ZNF547: variants seen among roughly 807,000 people sequenced by gnomAD.
ZNF547 encodes the protein zinc finger protein 547.
Under a neutral mutation model 7.7 loss-of-function variants are expected in ZNF547, and 4 were observed. The ratio of observed to expected loss-of-function variants is 0.52; its 90% CI spans 0.26 to 1.20. The LOEUF is 1.20. Ranked by LOEUF, ZNF547 falls within the 50% of genes most tolerant of loss-of-function variation. The pLI is 0.14. For missense variants in ZNF547, 449 were observed against 485.8 expected, an observed-to-expected ratio of 0.92 and a Z score of 0.71; for synonymous variants, 166 against 166.2, an observed-to-expected ratio of 1.00 and a Z score of 0.01.
intron 3 of ZNF547, among the ~76,000 whole-genome samples, chr19:57,373,144 G>A (rs80113461): frequency 0.048 from 7,309 of 152,266 alleles, 548 homozygotes; most frequent in African/African-American, 0.17. Context: ...CCCCATTGCT[G>A]GGGAGGCCTC....
intron 3 of ZNF547, among the ~76,000 whole-genome samples, chr19:57,376,381 G>A (rs181775826): frequency 0.14 from 21,451 of 152,010 alleles, 2,043 homozygotes; most frequent in Non-Finnish European, 0.2. Context: ...TATTCTTGCA[G>A]CCCAATAATG....
rs1228770354 is a variant in ZNF547, at chr19:57,379,174, A to T, written c.*989A>T. The T allele has an allele frequency of 6.6e-6, 1 of 152,430 alleles. No individual in the cohort carries two copies. The highest frequency in any genetic ancestry group is 1.5e-5 in the Non-Finnish European group (1 of 68,216). The allele number at this position is 152,430 out of a possible 1,614,324, so 9.4% of individuals were successfully genotyped here. ...ATATCTCTTTGAGACCCTGCTTTCA[A>T]TTCTTATTGGGTACCCCAAAAAGTG... On this transcript the variant is annotated 3_prime_UTR_variant, in exon 4 of 4. Transcript: ENST00000282282.
intron 3 of ZNF547, 130 bp from the exon 4 acceptor site, chr19:57,376,998 C>G: frequency 1.1e-6 from 1 of 918,566 alleles, no homozygotes; most frequent in Non-Finnish European, 1.6e-6. Flanking sequence ...TGGCCTGCCA[C>G]AGTACCAGGG....
chr19:57,370,724 C>T (rs1376193263), intron 2 of ZNF547, among the ~76,000 whole-genome samples: 2 of 152,260 alleles, frequency 1.3e-5, no homozygotes, highest in East Asian at 1.9e-4. Flanking sequence ...GGATGGATCC[C>T]CCCACGGGAG....
intron 3 of ZNF547, among the ~76,000 whole-genome samples, chr19:57,374,145 C>T (rs2088522460): frequency 6.6e-6 from 1 of 152,232 alleles, no homozygotes; most frequent in Admixed American, 6.5e-5. Context: ...GTGGAGGTTC[C>T]CTCCCAAATA....
At chr19:57,375,696 C>T (rs572012348) in intron 3 of ZNF547, among the ~76,000 whole-genome samples, 3 of 148,628 alleles carry the variant, frequency 2.0e-5, no homozygotes, top group African/African-American at 7.5e-5. Context: ...AAGACATACC[C>T]GAGACTGGAT....
chr19:57,367,568 A>AGGTGGAACCAT (rs1359227986), intron 1 of ZNF547, among the ~76,000 whole-genome samples: 2 of 152,144 alleles, frequency 1.3e-5, no homozygotes, highest in Non-Finnish European at 2.9e-5. Context: ...TTCACACCAT[A>AGGTGGAACCAT]GGTGGAGCCA....
rs1350431559 is a variant in ZNF547 at position 57,377,871 on chromosome 19, A to G, written c.895A>G (p.Ser299Gly). 2 of 1,614,136 alleles carry G rather than the reference A, an allele frequency of 1.2e-6. No individual in the cohort carries two copies. The highest frequency in any genetic ancestry group is 1.7e-6 in the Non-Finnish European group (2 of 1,180,028). The change falls in exon 4 of 4, where the codon AGT becomes GGT. Residue 299 changes from serine to glycine, a missense_variant. Physicochemically the swap from Ser to Gly is moderately conservative, Grantham distance 56 (BLOSUM62 0). Transcript: ENST00000282282. The part of the protein sequence containing the change: ...IHTGKRSYGC[S>G]ECGKFFMERS... The stretch of plus-strand genomic sequence containing the variant: ...TACAGGAAAAAGGTCTTATGGTTGC[A>G]GTGAATGTGGGAAATTCTTTATGGA...
chr19:57,370,376 T>G (rs1327850966), intron 2 of ZNF547, among the ~76,000 whole-genome samples: 1 of 152,074 alleles, frequency 6.6e-6, no homozygotes, highest in East Asian at 1.9e-4. Flanking sequence ...CTGCCCCCGG[T>G]GCTAGGGAAC....
At chr19:57,364,651 G>T (rs924124746) in intron 1 of ZNF547, 107 of 614,906 alleles carry the variant, frequency 1.7e-4, no homozygotes, top group Non-Finnish European at 2.1e-4. Flanking sequence ...TGAGGCAGGA[G>T]AATTGCCTGA....
intron 1 of ZNF547, among the ~76,000 whole-genome samples, chr19:57,367,368 T>C (rs1347949996): frequency 6.6e-6 from 1 of 151,844 alleles, no homozygotes; most frequent in Non-Finnish European, 1.5e-5. Context: ...CTTATATCCT[T>C]GTGTAAAATT....
chr19:57,371,245 C>T (rs774529292), intron 2 of ZNF547, among the ~76,000 whole-genome samples: 2 of 152,214 alleles, frequency 1.3e-5, no homozygotes, highest in Non-Finnish European at 2.9e-5. Context: ...AGCCACTGTG[C>T]CTGGCCCCCA....
chr19:57,377,215 GTCTA>G lies in ZNF547; in HGVS notation c.244_247del (p.Ser82ProfsTer14), dbSNP rs1189885342. The G allele has an allele frequency of 6.2e-6, 10 of 1,614,198 alleles. No individual in the cohort carries two copies. In the South Asian group the frequency reaches 9.9e-5, roughly 16 times the overall value. ...TCACAGGTCATGGCTCCAAAGCCCTGTCTATCTACCCAGAATACCCAGCCCTGTG... is the reference window on the plus strand; with the variant it reads ...TCACAGGTCATGGCTCCAAAGCCCTGTCTACCCAGAATACCCAGCCCTGTG... On this transcript the variant is annotated frameshift_variant, in exon 4 of 4. Coordinates refer to ENST00000282282, the MANE Select transcript of ZNF547 (RefSeq NM_173631.4). LOFTEE classifies it low-confidence loss of function (END_TRUNC).
At chr19:57,372,008 G>T in intron 3 of ZNF547, 100 bp downstream of exon 3, 10 of 1,437,476 alleles carry the variant, frequency 7.0e-6, no homozygotes, top group Non-Finnish European at 9.2e-6. Flanking sequence ...CATGGGTGCT[G>T]CTTCTTTTCC....
chr19:57,373,532 A>G (rs1356370424), intron 3 of ZNF547, among the ~76,000 whole-genome samples: 1 of 151,786 alleles, frequency 6.6e-6, no homozygotes, highest in African/African-American at 2.4e-5. Flanking sequence ...CATTAACCCA[A>G]AAGTCCAAGT....
intron 1 of ZNF547, among the ~76,000 whole-genome samples, chr19:57,367,006 G>A (rs2088475035): frequency 6.6e-6 from 1 of 152,206 alleles, no homozygotes; most frequent in African/African-American, 2.4e-5. Context: ...AGGAGGCTGG[G>A]AGCAGTTCCA....
intron 1 of ZNF547, 157 bp downstream of exon 1, chr19:57,363,860 G>C (rs565270910): frequency 6.6e-6 from 1 of 152,494 alleles, no homozygotes; most frequent in South Asian, 2.1e-4. Context: ...TGCAGCCTCA[G>C]AGCTCCCTTC....
At position 57,373,822 on chromosome 19, in the gene ZNF547, G is replaced by A. The variant is rs1229565947; in HGVS notation, c.151+1914G>A. On this transcript the variant is annotated intron_variant, in intron 3 of 3. Coordinates refer to ENST00000282282, the MANE Select transcript of ZNF547 (RefSeq NM_173631.4). Reference sequence around the variant, plus strand: ...CAATAGGTGGGCTCCCACTGTCTTGGGCAACTCTGCCCCTGTGGCTTTGCA... The same window carrying A: ...CAATAGGTGGGCTCCCACTGTCTTGAGCAACTCTGCCCCTGTGGCTTTGCA... Among the ~76,000 whole-genome samples the A allele has an allele frequency of 2.6e-5, 4 of 152,116 alleles. No homozygotes were observed. In the East Asian group the frequency reaches 7.7e-4, roughly 29 times the overall value.
Position 57,368,529 on chromosome 19 carries a change from T to C in ZNF547, c.-12-15T>C. The C allele has an allele frequency of 6.2e-7, 1 of 1,614,050 alleles. No individual in the cohort carries two copies. The highest frequency in any genetic ancestry group is 1.1e-5 in the South Asian group (1 of 91,062). ...CCATCGTTGCCCATTTCTCACGGTTTCCCTCTTCCTTCAGGGTCCCCTGGC... is the reference window on the plus strand; with the variant it reads ...CCATCGTTGCCCATTTCTCACGGTTCCCCTCTTCCTTCAGGGTCCCCTGGC... On this transcript the variant is annotated splice_polypyrimidine_tract_variant and intron_variant, in intron 1 of 3. Transcript: ENST00000282282.
Sources: gnomAD v4.1 joint callset for allele counts (sites outside exome capture counted in the v4.1 genomes callset) on GRCh38, gnomAD v4.1.1 for gene constraint, MANE v1.5 for transcripts, NCBI Gene and HGNC (gene_info 2026-07-23, HGNC 2026-07-21) for gene names.